The following RGL2 variants were observed in gnomAD, a reference collection of about 807,000 sequenced individuals.
The protein encoded by RGL2 is ral guanine nucleotide dissociation stimulator-like 2.
RGL2 carries 40 observed loss-of-function variants against 84.6 expected under a neutral mutation model. That is an observed-to-expected ratio of 0.47 (90% CI 0.37 to 0.62). RGL2 has a LOEUF of 0.62. RGL2 is among the 20% of genes least tolerant of loss of function. RGL2 has a pLI of 0.00. For missense variants in RGL2, 865 were observed against 1,019.7 expected, an observed-to-expected ratio of 0.85 and a Z score of 2.07; for synonymous variants, 369 against 417.3, an observed-to-expected ratio of 0.88 and a Z score of 1.41.
rs764237440 is a variant in RGL2, at chr6:33,296,572, T to C, written c.419+26A>G. On this transcript the variant is annotated intron_variant, in intron 4 of 17. Transcript: ENST00000497454. This position sits in a 1 kb window ranked among gnomAD's most constrained non-coding sequence, Gnocchi z 5.0. ...TAGGAAATCCGGGCAGATACTCCACTACCCTGCGTCCCTTATGACTCTGAC... is the reference window on the plus strand; with the variant it reads ...TAGGAAATCCGGGCAGATACTCCACCACCCTGCGTCCCTTATGACTCTGAC... 3 of 1,602,686 alleles carry C rather than the reference T, an allele frequency of 1.9e-6. No individual in the cohort carries two copies. Among genetic ancestry groups the C allele is most frequent in the South Asian group, 1.1e-5 (1 of 89,504 alleles).
In RGL2 at chr6:33,295,760, C is replaced by T. The variant is rs1291151582; in HGVS notation, c.769-1G>A. On this transcript the variant is annotated splice_acceptor_variant, in intron 6 of 17. Transcript: ENST00000497454. LOFTEE classifies it high-confidence loss of function. The surrounding 1 kb of genome is among the most constrained non-coding windows in gnomAD (Gnocchi z 7.2). Reference sequence around the variant, plus strand: ...AGGGGATCAAATTGAGAAAAAGTTCCTGCAGGGTAGAGGTCAGAGGTTAAA... The same window carrying T: ...AGGGGATCAAATTGAGAAAAAGTTCTTGCAGGGTAGAGGTCAGAGGTTAAA... The T allele has an allele frequency of 1.2e-6, 2 of 1,612,840 alleles. No homozygotes were observed. The highest frequency in any genetic ancestry group is 1.7e-6 in the Non-Finnish European group (2 of 1,179,486).
Position 33,292,053 on chromosome 6 carries a change from A to G in RGL2, c.*49T>C. On this transcript the variant is annotated 3_prime_UTR_variant, in exon 18 of 18. Transcript: ENST00000497454. ...TTGCCACCATTCAGGATGGCTACCC[A>G]CATCTGGTATGAACACCATGACTTC... 1 of 1,594,318 alleles carries G rather than the reference A, an allele frequency of 6.3e-7. No homozygotes were observed. Among genetic ancestry groups the G allele is most frequent in the Non-Finnish European group, 8.6e-7 (1 of 1,162,402 alleles).
Position 33,298,571 on chromosome 6 carries a change from G to A in RGL2, c.40C>T (p.Pro14Ser). The change falls in exon 2 of 18, where the codon CCC (proline) becomes TCC (serine). Residue 14 changes from proline (P) to serine (S), a missense_variant. This residue lies in a region of RGL2 where 23 missense variants were observed against 22.7 expected (regional missense o/e 1.01). Coordinates refer to ENST00000497454, the MANE Select transcript of RGL2 (RefSeq NM_004761.5). The surrounding 1 kb of genome is among the most constrained non-coding windows in gnomAD (Gnocchi z 4.8). ...RPLRLLLDTS[P>S]PGGVVLSSFR... ...CTGCTCAGTACGACTCCCCCGGGGG[G>A]GCTCGTGTCCAAAAGCAGCCGCAGG... is the stretch of plus-strand genomic sequence containing the variant. The A allele has an allele frequency of 6.8e-7, 1 of 1,470,282 alleles. No individual in the cohort carries two copies. The highest frequency in any genetic ancestry group is 9.0e-7 in the Non-Finnish European group (1 of 1,110,868). The allele number at this position is 1,470,282 out of a possible 1,614,324, so 91.1% of individuals were successfully genotyped here. A position where few individuals can be genotyped will look rare whatever the true frequency, so the allele number is the denominator to read the frequency against.
In RGL2 at chr6:33,295,540, G is replaced by A. The variant is rs757125445; in HGVS notation, c.988C>T (p.Arg330Trp). The part of the protein sequence containing the change: ...IRPLRPPQRA[R>W]LLEKWIRVAE... ...ACGCGGATCCACTTCTCCAGGAGCC[G>A]GGCCCTCTGTGGGGGACGGAGTGGC... The change falls in exon 7 of 18, where the codon CGG (arginine) becomes TGG (tryptophan). Residue 330 changes from arginine (R) to tryptophan (W), a missense_variant. Transcript: ENST00000497454. The surrounding 1 kb of genome is among the most constrained non-coding windows in gnomAD (Gnocchi z 7.2). 2.5e-6 allele frequency: 4 copies of A among 1,613,840 alleles called. No individual in the cohort carries two copies. Among genetic ancestry groups the A allele is most frequent in the Non-Finnish European group, 3.4e-6 (4 of 1,179,938 alleles).
In RGL2 at chr6:33,295,928, G is replaced by C. The variant is rs992758980; in HGVS notation, c.768+100C>G. 23 of 1,497,118 alleles carry C rather than the reference G, an allele frequency of 1.5e-5. No homozygotes were observed. The highest frequency in any genetic ancestry group is 9.2e-7 in the Non-Finnish European group (1 of 1,088,362). The allele number at this position is 1,497,118 out of a possible 1,614,324, so 92.7% of individuals were successfully genotyped here. On this transcript the variant is annotated intron_variant, in intron 6 of 17. Coordinates refer to ENST00000497454, the MANE Select transcript of RGL2 (RefSeq NM_004761.5). The surrounding 1 kb of genome is among the most constrained non-coding windows in gnomAD (Gnocchi z 7.2). ...CAAAATGGTAGGTGGAGGAGGCTAG[G>C]AGCTGGATCAGGAAGGGGTGGAAGC...
At position 33,291,944 on chromosome 6, in the gene RGL2, C is replaced by G; in HGVS notation, c.*158G>C. On this transcript the variant is annotated 3_prime_UTR_variant, in exon 18 of 18. Transcript: ENST00000497454. ...CACCAGTTCCCACAGGGCTGGATTT[C>G]TCAGCTGTCTGGTAAACCAGTGGCA... The G allele has an allele frequency of 1.3e-6, 1 of 758,832 alleles. No individual in the cohort carries two copies. The highest frequency in any genetic ancestry group is 2.2e-6 in the Non-Finnish European group (1 of 464,308). The allele number at this position is 758,832 out of a possible 1,614,324, so 47.0% of individuals were successfully genotyped here.
chr6:33,292,130 C>A lies in RGL2; in HGVS notation c.2306G>T (p.Gly769Val). 1 of 1,614,214 alleles carries A rather than the reference C, an allele frequency of 6.2e-7. No homozygotes were observed. The highest frequency in any genetic ancestry group is 8.5e-7 in the Non-Finnish European group (1 of 1,180,048). The change falls in exon 18 of 18, where the codon GGG becomes GTG. Residue 769 changes from glycine to valine, a missense_variant. Gly to Val is a moderately radical substitution (Grantham distance 109). Coordinates refer to ENST00000497454, the MANE Select transcript of RGL2 (RefSeq NM_004761.5). ...GAACAGTGCCCGTGCAATCTTCCTC[C>A]CTGTGGCCTTGATCCTGGGAAAGGA... ...GGSFPRIKAT[G>V]RKIARALF
Position 33,293,442 on chromosome 6 carries a change from G to A in RGL2, c.1687C>T (p.Pro563Ser). 6.2e-7 allele frequency: 1 copy of A among 1,614,126 alleles called. No individual in the cohort carries two copies. The highest frequency in any genetic ancestry group is 1.7e-5 in the Admixed American group (1 of 60,008). Residue 563 changes from proline (P) to serine (S), a missense_variant, in exon 15 of 18, where the codon CCT (proline) becomes TCT (serine). Around this residue, in one of 5 missense-constraint regions of RGL2, gnomAD observed 302 missense variants for 327.9 expected, o/e 0.92. Transcript: ENST00000497454. The surrounding 1 kb of genome is among the most constrained non-coding windows in gnomAD (Gnocchi z 7.0). ...STGGDEAPTT[P>S]APLLTRLAQH... ...GCCAGCCGAGTCAGCAGAGGAGCAG[G>A]AGTTGTAGGCGCCTCATCTCCCCCA...
rs775543816 is a variant in RGL2 at position 33,293,707 on chromosome 6, AG to A, written c.1509-9del. The A allele has an allele frequency of 1.9e-6, 3 of 1,613,794 alleles. No homozygotes were observed. The highest frequency in any genetic ancestry group is 1.7e-5 in the Admixed American group (1 of 59,984). On this transcript the variant is annotated splice_polypyrimidine_tract_variant and intron_variant, in intron 13 of 17. Coordinates refer to ENST00000497454, the MANE Select transcript of RGL2 (RefSeq NM_004761.5). The surrounding 1 kb of genome is among the most constrained non-coding windows in gnomAD (Gnocchi z 7.0). ...TCACAGGATACACGATGGCTGGGTT[AG>A]GGGGGCAATAGGCAGAGCTCAGGAC...
In RGL2 at chr6:33,294,675, ACAC is replaced by A. The variant is rs780412684; in HGVS notation, c.1353+10_1353+12del. 2.7e-5 allele frequency: 43 copies of A among 1,613,620 alleles called. No homozygotes were observed. The highest frequency in any genetic ancestry group is 3.3e-5 in the Admixed American group (2 of 59,982). ...GTTACATCATTGCAATGACACACACACACACCACTGACCTCCAACTCATCCTTG... is the reference window on the plus strand; with the variant it reads ...GTTACATCATTGCAATGACACACACAACCACTGACCTCCAACTCATCCTTG... On this transcript the variant is annotated intron_variant, in intron 11 of 17. Coordinates refer to ENST00000497454, the MANE Select transcript of RGL2 (RefSeq NM_004761.5). The surrounding 1 kb of genome is among the most constrained non-coding windows in gnomAD (Gnocchi z 5.0).
rs1356761688 is a variant in RGL2 at position 33,296,725 on chromosome 6, C to A, written c.292G>T (p.Glu98Ter). ...SSRRLRAGTL[E>*]ALVRHLLDTR... ...TCCAGTAGGTGTCTGACCAGGGCCT[C>A]CAGAGTGCCAGCTCGGAGCCGTCGG... is the stretch of plus-strand genomic sequence containing the variant. Residue 98 changes from glutamate (E) to a stop codon, truncating the protein, a stop_gained, in exon 4 of 18, where the codon GAG becomes TAG. Transcript: ENST00000497454. LOFTEE classifies it high-confidence loss of function. This position sits in a 1 kb window ranked among gnomAD's most constrained non-coding sequence, Gnocchi z 5.0. 6.2e-7 allele frequency: 1 copy of A among 1,613,988 alleles called. No individual in the cohort carries two copies. Among genetic ancestry groups the A allele is most frequent in the East Asian group, 2.2e-5 (1 of 44,876 alleles).
chr6:33,295,642 T>G lies in RGL2; in HGVS notation c.886A>C (p.Lys296Gln). The G allele has an allele frequency of 6.2e-7, 1 of 1,613,886 alleles. No individual in the cohort carries two copies. Among genetic ancestry groups the G allele is most frequent in the Non-Finnish European group, 8.5e-7 (1 of 1,180,022 alleles). ...GAACTAACCACTGCCCCTGCCACCT[T>G]GTTAAACTGTGTGACAGTAGCTCGG... ...SVRATVTQFNKVAGAVVSSVL... is the reference protein window; with the variant it reads ...SVRATVTQFNQVAGAVVSSVL... Residue 296 changes from lysine to glutamine, a missense_variant, in exon 7 of 18, where the codon AAG becomes CAG. Physicochemically the swap from Lys to Gln is moderately conservative, Grantham distance 53 (BLOSUM62 1). This residue lies in a region of RGL2 where 455 missense variants were observed against 507.8 expected (regional missense o/e 0.90). Transcript: ENST00000497454. This position sits in a 1 kb window ranked among gnomAD's most constrained non-coding sequence, Gnocchi z 7.2.
Position 33,296,136 on chromosome 6 carries a change from G to C in RGL2, c.660C>G (p.Pro220=). Residue 220 remains proline, a synonymous_variant, in exon 6 of 18, where the codon CCC becomes CCG. Transcript: ENST00000497454. This position sits in a 1 kb window ranked among gnomAD's most constrained non-coding sequence, Gnocchi z 5.0. ...GGAGGGCCAGGGGCTTAGGAAGGTC[G>C]GGGGCCTGGGGGTCCACCCGGGACC... is the stretch of plus-strand genomic sequence containing the variant. ...NLRSRVDPQA[P]DLPKPLALPG... 6.2e-7 allele frequency: 1 copy of C among 1,613,926 alleles called. No homozygotes were observed. The highest frequency in any genetic ancestry group is 8.5e-7 in the Non-Finnish European group (1 of 1,179,982).
chr6:33,294,576 C>T lies in RGL2; in HGVS notation c.1353+112G>A. On this transcript the variant is annotated intron_variant, in intron 11 of 17. Transcript: ENST00000497454. This position sits in a 1 kb window ranked among gnomAD's most constrained non-coding sequence, Gnocchi z 5.0. Reference sequence around the variant, plus strand: ...GGCACAGAAACAGATCTGGCTCTGTCCCACACTCAGCTATTTGTGCCTTAC... The same window carrying T: ...GGCACAGAAACAGATCTGGCTCTGTTCCACACTCAGCTATTTGTGCCTTAC... 8.6e-7 allele frequency: 1 copy of T among 1,156,782 alleles called. No homozygotes were observed. The highest frequency in any genetic ancestry group is 1.3e-6 in the Non-Finnish European group (1 of 797,142). The allele number at this position is 1,156,782 out of a possible 1,614,324, so 71.7% of individuals were successfully genotyped here.
chr6:33,296,481 G>A lies in RGL2; in HGVS notation c.420-17C>T. 6.3e-7 allele frequency: 1 copy of A among 1,598,758 alleles called. No individual in the cohort carries two copies. The highest frequency in any genetic ancestry group is 1.3e-5 in the African/African-American group (1 of 74,406). The stretch of plus-strand genomic sequence containing the variant: ...GCTTCCAGCCTGAGGGGGAGAAGAG[G>A]ATCTATCTGTCCATTTTTCCCAAAC... On this transcript the variant is annotated splice_polypyrimidine_tract_variant and intron_variant, in intron 4 of 17. Transcript: ENST00000497454. The surrounding 1 kb of genome is among the most constrained non-coding windows in gnomAD (Gnocchi z 5.0).
rs1052643153 is a variant in RGL2 at position 33,298,929 on chromosome 6, C to G, written c.-101G>C. On this transcript the variant is annotated 5_prime_UTR_variant, in exon 1 of 18. Transcript: ENST00000497454. The surrounding 1 kb of genome is among the most constrained non-coding windows in gnomAD (Gnocchi z 4.8). The stretch of plus-strand genomic sequence containing the variant: ...AGCCGCTGTTGCCGTCGGTCTCCGG[C>G]CCCGGACCGAGTCCCCTCCCCGGCT... 33 of 270,400 alleles carry G rather than the reference C, an allele frequency of 1.2e-4. 1 individual carries two copies. The highest frequency in any genetic ancestry group is 3.5e-5 in the Non-Finnish European group (5 of 143,970). 16.8% of individuals were successfully genotyped at this position (270,400 alleles called of 1,614,324 possible).
In RGL2 at chr6:33,296,158, G is replaced by C. The variant is rs546884658; in HGVS notation, c.638C>G (p.Ser213Cys). The C allele has an allele frequency of 2.9e-5, 47 of 1,613,876 alleles. No individual in the cohort carries two copies. Among genetic ancestry groups the C allele is most frequent in the Non-Finnish European group, 3.6e-5 (43 of 1,180,010 alleles). Residue 213 changes from serine to cysteine, a missense_variant, in exon 6 of 18, where the codon TCC (serine) becomes TGC (cysteine). Coordinates refer to ENST00000497454, the MANE Select transcript of RGL2 (RefSeq NM_004761.5). This position sits in a 1 kb window ranked among gnomAD's most constrained non-coding sequence, Gnocchi z 5.0. Reference sequence around the variant, plus strand: ...GTCGGGGGCCTGGGGGTCCACCCGGGACCGGAGATTGCGGATGAGGTCAGC... The same window carrying C: ...GTCGGGGGCCTGGGGGTCCACCCGGCACCGGAGATTGCGGATGAGGTCAGC... ...GSADLIRNLR[S>C]RVDPQAPDLP...
Sources: allele counts gnomAD v4.1 joint callset, GRCh38; gene constraint gnomAD v4.1.1; regional missense constraint gnomAD v4.1.1; non-coding constraint Gnocchi (gnomAD v3.1); transcripts MANE v1.5; gene names NCBI Gene and HGNC (gene_info 2026-07-23, HGNC 2026-07-21).